GULP1: variants seen among roughly 807,000 people sequenced by gnomAD.
The protein encoded by GULP1 is PTB domain-containing engulfment adapter protein 1.
GULP1 carries 19 observed loss-of-function variants against 40.9 expected under a neutral mutation model. The ratio of observed to expected loss-of-function variants is 0.46; its 90% CI spans 0.32 to 0.68. The LOEUF is 0.68. Among genes scored for constraint, GULP1 ranks in the 30% least tolerant of loss-of-function variants. The pLI is 0.03. For synonymous variants in GULP1, 119 were observed against 117.6 expected (o/e 1.01, Z -0.08); for missense variants, 312 against 362.2 (o/e 0.86, Z 1.12).
At chr2:188,431,960 A>G (rs2056920582) in intron 2 of GULP1, among the ~76,000 whole-genome samples, 1 of 151,664 alleles carries the variant, frequency 6.6e-6, no homozygotes, top group African/African-American at 2.4e-5. Context: ...TTTAAAAAGA[A>G]CACATTTTCA....
chr2:188,499,399 T>C (rs1385076449), intron 4 of GULP1, among the ~76,000 whole-genome samples: 2 of 151,372 alleles, frequency 1.3e-5, no homozygotes, highest in Non-Finnish European at 3.0e-5. Flanking sequence ...TGCCTCATGG[T>C]AAAATGTCTA....
intron 2 of GULP1, among the ~76,000 whole-genome samples, chr2:188,463,135 A>T (rs373670623): frequency 6.6e-6 from 1 of 151,894 alleles, no homozygotes; most frequent in Non-Finnish European, 1.5e-5. Flanking sequence ...AACATTTCTT[A>T]TTGCTCATTA....
chr2:188,419,735 G>A (rs1417222835), intron 2 of GULP1, among the ~76,000 whole-genome samples: 1 of 151,800 alleles, frequency 6.6e-6, no homozygotes, highest in Non-Finnish European at 1.5e-5. Flanking sequence ...TGTTTATTTT[G>A]TTGCTTGTCC....
chr2:188,428,648 T>C (rs2056501161), intron 2 of GULP1, among the ~76,000 whole-genome samples: 2 of 152,252 alleles, frequency 1.3e-5, no homozygotes, highest in East Asian at 1.9e-4. Context: ...CTTTCTTCCA[T>C]GATTATATGT....
At position 188,438,707 on chromosome 2, in the gene GULP1, A is replaced by G. The variant is rs556427730; in HGVS notation, c.-44-38952A>G. Reference sequence around the variant, plus strand: ...TAAAGAAGGCACAAAATAAACTTGCATGAAAAAATCCAAACACATCAGTAG... The same window carrying G: ...TAAAGAAGGCACAAAATAAACTTGCGTGAAAAAATCCAAACACATCAGTAG... On this transcript the variant is annotated intron_variant, in intron 2 of 11. Coordinates refer to ENST00000409830, the MANE Select transcript of GULP1 (RefSeq NM_016315.4). 5.3e-5 allele frequency among the ~76,000 whole-genome samples: 8 copies of G among 152,028 alleles called. No homozygotes were observed. The East Asian group carries it at 1.5e-3, about 29-fold the overall frequency.
intron 1 of GULP1, chr2:188,293,291 C>G (rs2034197563): frequency 6.6e-6 from 1 of 152,198 alleles, no homozygotes; most frequent in African/African-American, 2.4e-5. Flanking sequence ...CTATTTCAAT[C>G]TGCAAGTTTG....
chr2:188,295,453 A>G (rs190197923), intron 1 of GULP1, among the ~76,000 whole-genome samples: 84 of 152,172 alleles, frequency 5.5e-4, no homozygotes, highest in African/African-American at 1.3e-3. Context: ...TTTATTGCCT[A>G]TGTTTCTGTC....
At chr2:188,339,001 A>G (rs1322343814) in intron 1 of GULP1, among the ~76,000 whole-genome samples, 1 of 152,130 alleles carries the variant, frequency 6.6e-6, no homozygotes, top group Non-Finnish European at 1.5e-5. Context: ...GCTCTTTATG[A>G]TGACTACTAG....
intron 1 of GULP1, among the ~76,000 whole-genome samples, chr2:188,306,021 G>A (rs576651523): frequency 1.4e-4 from 21 of 152,108 alleles, no homozygotes; most frequent in African/African-American, 5.1e-4. Flanking sequence ...CAAGTGATCC[G>A]CCCTCCTCAG....
chr2:188,515,940 C>A (rs1447516050), intron 4 of GULP1, among the ~76,000 whole-genome samples: 1 of 152,094 alleles, frequency 6.6e-6, no homozygotes, highest in Non-Finnish European at 1.5e-5. Context: ...TCAAATATTT[C>A]TCCAAAATTT....
chr2:188,350,653 A>G (rs1051541375), intron 1 of GULP1, among the ~76,000 whole-genome samples: 1 of 151,892 alleles, frequency 6.6e-6, no homozygotes, highest in Admixed American at 6.6e-5. Context: ...TTCAATGTGG[A>G]TGGCTTTTTT....
At chr2:188,496,747 C>T (rs1401897489) in intron 4 of GULP1, among the ~76,000 whole-genome samples, 1 of 151,740 alleles carries the variant, frequency 6.6e-6, no homozygotes, top group Non-Finnish European at 1.5e-5. Context: ...AATTGTAATC[C>T]CCAGTGTTGG....
At chr2:188,469,375 G>A (rs1376878676) in intron 2 of GULP1, among the ~76,000 whole-genome samples, 8 of 152,096 alleles carry the variant, frequency 5.3e-5, no homozygotes, top group South Asian at 2.1e-4. Flanking sequence ...CTTGTTTTCC[G>A]GGATCACAAG....
chr2:188,376,723 G>T (rs2048336240), intron 1 of GULP1, among the ~76,000 whole-genome samples: 1 of 152,206 alleles, frequency 6.6e-6, no homozygotes, highest in Admixed American at 6.5e-5. Flanking sequence ...AAAGATAATT[G>T]CTGGGAAGTG....
At chr2:188,539,127 T>A (rs1559357227) in intron 6 of GULP1, among the ~76,000 whole-genome samples, 4 of 152,062 alleles carry the variant, frequency 2.6e-5, no homozygotes, top group African/African-American at 9.7e-5. Context: ...CAAATGAAGA[T>A]TATAGAGTGC....
At chr2:188,559,762 A>G (rs1297738948) in intron 7 of GULP1, among the ~76,000 whole-genome samples, 1 of 152,152 alleles carries the variant, frequency 6.6e-6, no homozygotes, top group Non-Finnish European at 1.5e-5. Flanking sequence ...GTCCCCACCC[A>G]AATCTCATCT....
intron 2 of GULP1, among the ~76,000 whole-genome samples, chr2:188,402,180 G>T (rs575613107): frequency 5.8e-4 from 89 of 152,234 alleles, no homozygotes; most frequent in African/African-American, 2.1e-3. Flanking sequence ...TTAATGCCTT[G>T]TAATAACTTT....
At chr2:188,424,586 A>C (rs1393110164) in intron 2 of GULP1, among the ~76,000 whole-genome samples, 2 of 151,992 alleles carry the variant, frequency 1.3e-5, no homozygotes, top group Non-Finnish European at 2.9e-5. Context: ...AATTAGTAAT[A>C]ATTCTTTAAT....
intron 2 of GULP1, among the ~76,000 whole-genome samples, chr2:188,415,558 T>C (rs1485834777): frequency 6.6e-6 from 1 of 151,994 alleles, no homozygotes; most frequent in Admixed American, 6.6e-5. Context: ...TTTAAATCTT[T>C]TGTCACTGTA....
Sources: allele counts gnomAD v4.1 joint callset (sites outside exome capture counted in the v4.1 genomes callset), GRCh38; gene constraint gnomAD v4.1.1; transcripts MANE v1.5; gene names NCBI Gene and HGNC (gene_info 2026-07-23, HGNC 2026-07-21).